Variants in MKLN1 observed in about 807,000 individuals in gnomAD.
The protein encoded by MKLN1 is muskelin 1.
In MKLN1, 18 loss-of-function variants were observed where a neutral mutation model predicts 99.0. That is an observed-to-expected ratio of 0.18 (90% confidence interval 0.13 to 0.27). The LOEUF (loss-of-function observed/expected upper bound fraction) is 0.27, where lower values mean the gene tolerates loss of function less well. Ranked by LOEUF, MKLN1 falls within the 10% of genes least tolerant of loss-of-function variation. MKLN1 has a pLI of 1.00. For missense variants in MKLN1, 621 were observed against 875.9 expected (o/e 0.71, Z 3.67); for synonymous variants, 288 against 293.2 (o/e 0.98, Z 0.18).
At chr7:131,210,756 G>GAA (rs1796891650) in intron 3 of MKLN1, among the ~76,000 whole-genome samples, 1 of 43,482 alleles carries the variant, frequency 2.3e-5, no homozygotes. Flanking sequence ...GAGGGAGGGA[G>GAA]GGGAGGGGGG....
At chr7:131,285,872 T>G (rs1438039125) in intron 3 of MKLN1, among the ~76,000 whole-genome samples, 1 of 152,096 alleles carries the variant, frequency 6.6e-6, no homozygotes, top group Non-Finnish European at 1.5e-5. Context: ...TTTGCTCTTA[T>G]AAAAACCATT....
intron 2 of MKLN1, among the ~76,000 whole-genome samples, chr7:131,176,077 A>G (rs1159086044): frequency 6.6e-6 from 1 of 152,212 alleles, no homozygotes; most frequent in Non-Finnish European, 1.5e-5. Flanking sequence ...CTCTAAGTTC[A>G]GGGATAAACT....
chr7:131,285,938 T>C (rs1309876633), intron 3 of MKLN1, among the ~76,000 whole-genome samples: 3 of 151,812 alleles, frequency 2.0e-5, no homozygotes, highest in Non-Finnish European at 1.5e-5. Flanking sequence ...TCTGCGTGTG[T>C]TTCCTCAGCA....
intron 1 of MKLN1, 89 bp downstream of exon 1, chr7:131,328,086 G>C: frequency 6.6e-7 from 1 of 1,507,632 alleles, no homozygotes; most frequent in East Asian, 2.4e-5. Flanking sequence ...GCCGAGCCGA[G>C]AGGCCCAGGC....
At chr7:131,395,718 T>C (rs1794341179) in intron 4 of MKLN1, among the ~76,000 whole-genome samples, 1 of 151,382 alleles carries the variant, frequency 6.6e-6, no homozygotes, top group South Asian at 2.1e-4. Context: ...AGTGTTGTTA[T>C]TAAAAAAAAA....
At chr7:131,428,977 G>T (rs553905844) in intron 8 of MKLN1, 56 bp from the exon 9 acceptor site, 4 of 1,417,078 alleles carry the variant, frequency 2.8e-6, no homozygotes, top group Non-Finnish European at 3.0e-6. Context: ...CTAGGTTTGG[G>T]TGCTTATGCT....
chr7:131,434,525 C>CTGT (rs1215591750), intron 9 of MKLN1, among the ~76,000 whole-genome samples: 1 of 151,668 alleles, frequency 6.6e-6, no homozygotes, highest in Non-Finnish European at 1.5e-5. Flanking sequence ...TTTCTTCTTT[C>CTGT]TGTTCTCTTT....
At chr7:131,130,878 C>A (rs1050813057) in intron 1 of MKLN1, among the ~76,000 whole-genome samples, 5 of 151,768 alleles carry the variant, frequency 3.3e-5, no homozygotes, top group African/African-American at 4.8e-5. Flanking sequence ...CATAGTAAGA[C>A]CTGTCACTAC....
intron 3 of MKLN1, among the ~76,000 whole-genome samples, chr7:131,207,713 G>T (rs1584834308): frequency 1.3e-5 from 2 of 152,144 alleles, no homozygotes; most frequent in African/African-American, 4.8e-5. Context: ...CCAGAAGCCT[G>T]GGCCCACAGA....
At chr7:131,248,826 C>T (rs1797535450) in intron 3 of MKLN1, among the ~76,000 whole-genome samples, 2 of 152,212 alleles carry the variant, frequency 1.3e-5, no homozygotes, top group African/African-American at 2.4e-5. Context: ...GCACCTGCCT[C>T]TGCTGAGAGG....
intron 12 of MKLN1, among the ~76,000 whole-genome samples, chr7:131,452,711 C>T (rs1001306887): frequency 3.9e-5 from 6 of 151,946 alleles, no homozygotes; most frequent in Non-Finnish European, 5.9e-5. Context: ...CCACTACGCC[C>T]AGCTAATTTT....
chr7:131,433,059 A>G (rs1315214773), intron 9 of MKLN1, among the ~76,000 whole-genome samples: 1 of 152,148 alleles, frequency 6.6e-6, no homozygotes, highest in African/African-American at 2.4e-5. Context: ...TGCCCCAGTA[A>G]TGTTTTTTAT....
At chr7:131,178,779 CA>C (rs1796338018) in intron 2 of MKLN1, among the ~76,000 whole-genome samples, 1 of 152,138 alleles carries the variant, frequency 6.6e-6, no homozygotes, top group Non-Finnish European at 1.5e-5. Flanking sequence ...CATTTATTTG[CA>C]AACTTTCATA....
At chr7:131,154,238 A>G (rs1795932155) in intron 2 of MKLN1, among the ~76,000 whole-genome samples, 1 of 152,172 alleles carries the variant, frequency 6.6e-6, no homozygotes. Flanking sequence ...GGGGATAGGG[A>G]TAGAAACTAG....
At chr7:131,239,229 A>C (rs904418373) in intron 3 of MKLN1, among the ~76,000 whole-genome samples, 1 of 152,202 alleles carries the variant, frequency 6.6e-6, no homozygotes, top group Non-Finnish European at 1.5e-5. Flanking sequence ...TGTGGTGTAC[A>C]ATATGATGTT....
chr7:131,314,530 C>G (rs1003382694), intron 3 of MKLN1, among the ~76,000 whole-genome samples: 4 of 152,194 alleles, frequency 2.6e-5, no homozygotes, highest in African/African-American at 9.6e-5. Flanking sequence ...TCACACCATT[C>G]TCCTGCCTCA....
At chr7:131,444,769 T>TAGTAGAAGA (rs1795956205) in intron 11 of MKLN1, among the ~76,000 whole-genome samples, 3 of 53,784 alleles carry the variant, frequency 5.6e-5, no homozygotes, top group Non-Finnish European at 1.1e-4. Context: ...GAAGAAGTAG[T>TAGTAGAAGA]AGTAGTAGTA....
intron 8 of MKLN1, among the ~76,000 whole-genome samples, chr7:131,420,901 C>T (rs1400201123): frequency 6.6e-6 from 1 of 152,086 alleles, no homozygotes; most frequent in Non-Finnish European, 1.5e-5. Flanking sequence ...AAATATTTAC[C>T]TGGAAACTGT....
chr7:131,396,599 T>G (rs867243292), intron 4 of MKLN1, among the ~76,000 whole-genome samples: 1 of 152,176 alleles, frequency 6.6e-6, no homozygotes, highest in South Asian at 2.1e-4. Flanking sequence ...CTAAGGAAAT[T>G]TTTTATTGCC....
Sources: gnomAD v4.1 joint callset for allele counts (sites outside exome capture counted in the v4.1 genomes callset) on GRCh38, gnomAD v4.1.1 for gene constraint, MANE v1.5 for transcripts, NCBI Gene and HGNC (gene_info 2026-07-23, HGNC 2026-07-21) for gene names.